RAD54B: variants seen among roughly 807,000 people sequenced by gnomAD.
The protein encoded by RAD54B is DNA repair and recombination protein RAD54B.
Under a neutral mutation model 95.8 loss-of-function variants are expected in RAD54B, and 78 were observed. The ratio of observed to expected loss-of-function variants is 0.81; its 90% confidence interval spans 0.68 to 0.98. The LOEUF (loss-of-function observed/expected upper bound fraction) is 0.98, where lower values mean the gene tolerates loss of function less well. RAD54B is among the 50% of genes least tolerant of loss of function. The pLI is 0.00. For missense variants in RAD54B, 957 were observed against 1,056.6 expected (o/e 0.91, Z 1.31); for synonymous variants, 328 against 354.9 (o/e 0.92, Z 0.85).
chr8:94,443,976 T>C (rs983887876), intron 3 of RAD54B, among the ~76,000 whole-genome samples: 2 of 152,058 alleles, frequency 1.3e-5, no homozygotes, highest in Non-Finnish European at 2.9e-5. Context: ...ATAAAAAATA[T>C]ACAAGTTTAC....
At chr8:94,464,519 T>G (rs1812979473) in intron 2 of RAD54B, among the ~76,000 whole-genome samples, 1 of 152,234 alleles carries the variant, frequency 6.6e-6, no homozygotes, top group Admixed American at 6.5e-5. Flanking sequence ...TTGTGGTAAT[T>G]TGTTTCAGCA....
chr8:94,429,318 G>T, intron 3 of RAD54B: 1 of 447,956 alleles, frequency 2.2e-6, no homozygotes, highest in Non-Finnish European at 2.9e-6. Context: ...GGGCTATTTT[G>T]TATATACATA....
intron 3 of RAD54B, chr8:94,427,948 T>A (rs1811985707): frequency 1.1e-6 from 1 of 906,484 alleles, no homozygotes; most frequent in Non-Finnish European, 1.3e-6. Context: ...AAAAATGAAA[T>A]AACACCAAGT....
intron 10 of RAD54B, among the ~76,000 whole-genome samples, chr8:94,391,324 G>A (rs1168583563): frequency 6.6e-6 from 1 of 151,148 alleles, no homozygotes; most frequent in Non-Finnish European, 1.5e-5. Context: ...GAAGGGAGAC[G>A]ATCGCCAAGT....
intron 3 of RAD54B, among the ~76,000 whole-genome samples, chr8:94,417,817 T>C (rs1326178471): frequency 2.6e-5 from 4 of 152,216 alleles, no homozygotes; most frequent in African/African-American, 7.2e-5. Flanking sequence ...CTGGCATTCA[T>C]GGATTTAGAA....
At chr8:94,373,900 T>C (rs1416944778) in intron 14 of RAD54B, among the ~76,000 whole-genome samples, 10 of 152,212 alleles carry the variant, frequency 6.6e-5, no homozygotes, top group Admixed American at 6.5e-4. Context: ...CTTTGAAATT[T>C]TATCACACCT....
At chr8:94,380,887 C>T (rs533133785) in intron 11 of RAD54B, among the ~76,000 whole-genome samples, 1 of 152,256 alleles carries the variant, frequency 6.6e-6, no homozygotes, top group Non-Finnish European at 1.5e-5. Flanking sequence ...AACATTGGTA[C>T]GTAGAACCCA....
chr8:94,377,150 A>G (rs1234306339), intron 14 of RAD54B, among the ~76,000 whole-genome samples: 1 of 152,176 alleles, frequency 6.6e-6, no homozygotes, highest in African/African-American at 2.4e-5. Flanking sequence ...CTCAGAAAAT[A>G]TGACCCCATT....
At chr8:94,414,965 C>T (rs1477954798) in intron 3 of RAD54B, among the ~76,000 whole-genome samples, 1 of 152,110 alleles carries the variant, frequency 6.6e-6, no homozygotes, top group Non-Finnish European at 1.5e-5. Flanking sequence ...AGATTCAATG[C>T]CATCCCCATC....
chr8:94,397,682 AT>A (rs982447535), intron 8 of RAD54B, among the ~76,000 whole-genome samples: 3 of 151,974 alleles, frequency 2.0e-5, no homozygotes, highest in Admixed American at 1.3e-4. Flanking sequence ...AACTACTTTT[AT>A]TTCTTATCTT....
At position 94,395,017 on chromosome 8, in the gene RAD54B, T is replaced by C. The variant is rs1420322963; in HGVS notation, c.1379-1135A>G. On this transcript the variant is annotated intron_variant, in intron 8 of 14. Coordinates refer to ENST00000336148, the MANE Select transcript of RAD54B (RefSeq NM_012415.3). ...GTTGGGAAAAATACATTTATGTTGG[T>C]ATATATTCAGTTAAGCCTCTAAAAG... Among the ~76,000 whole-genome samples, 4 of 152,196 alleles carry C rather than the reference T, an allele frequency of 2.6e-5. No individual in the cohort carries two copies. In the East Asian group the frequency reaches 7.7e-4, roughly 29 times the overall value.
chr8:94,449,040 ACATGCATG>A (rs930483861), intron 3 of RAD54B, among the ~76,000 whole-genome samples: 1 of 107,676 alleles, frequency 9.3e-6, no homozygotes, highest in Non-Finnish European at 1.9e-5. Flanking sequence ...ATACATACAC[ACATGCATG>A]CACACACACA....
intron 1 of RAD54B, among the ~76,000 whole-genome samples, chr8:94,472,844 C>T (rs1813203441): frequency 6.6e-6 from 1 of 152,184 alleles, no homozygotes. Context: ...CTAAATCCTT[C>T]TACATCTAAT....
At chr8:94,413,223 A>T (rs568148061) in intron 3 of RAD54B, among the ~76,000 whole-genome samples, 2 of 152,348 alleles carry the variant, frequency 1.3e-5, no homozygotes, top group African/African-American at 4.8e-5. Context: ...TTAAAAATTC[A>T]TATGGAAATA....
chr8:94,384,693 T>C (rs561323939), intron 11 of RAD54B, among the ~76,000 whole-genome samples: 1 of 152,314 alleles, frequency 6.6e-6, no homozygotes, highest in East Asian at 1.9e-4. Context: ...CAATTTTTTT[T>C]TAAAGAAAAG....
At chr8:94,388,160 G>GC (rs1810935927) in intron 10 of RAD54B, among the ~76,000 whole-genome samples, 1 of 152,090 alleles carries the variant, frequency 6.6e-6, no homozygotes, top group South Asian at 2.1e-4. Context: ...ACATGGGTTT[G>GC]AACTACGCAA....
chr8:94,444,203 GT>G (rs1812465622), intron 3 of RAD54B, among the ~76,000 whole-genome samples: 1 of 152,054 alleles, frequency 6.6e-6, no homozygotes, highest in African/African-American at 2.4e-5. Context: ...ATTGGCAAAA[GT>G]TAAAAAGTTT....
At chr8:94,442,936 C>A (rs968961990) in intron 3 of RAD54B, among the ~76,000 whole-genome samples, 1 of 152,158 alleles carries the variant, frequency 6.6e-6, no homozygotes, top group African/African-American at 2.4e-5. Context: ...AGGACATATA[C>A]CTCCCTCACA....
At chr8:94,456,515 G>A (rs1235704391) in intron 3 of RAD54B, among the ~76,000 whole-genome samples, 1 of 152,168 alleles carries the variant, frequency 6.6e-6, no homozygotes, top group African/African-American at 2.4e-5. Context: ...GTTGAGGGGA[G>A]TGCATCTACA....
Sources: allele counts gnomAD v4.1 joint callset (sites outside exome capture counted in the v4.1 genomes callset), GRCh38; gene constraint gnomAD v4.1.1; transcripts MANE v1.5; gene names NCBI Gene and HGNC (gene_info 2026-07-23, HGNC 2026-07-21).